Variants in CFAP97 observed in about 807,000 individuals in gnomAD.
The protein encoded by CFAP97 is cilia and flagella associated protein 97.
A neutral mutation model predicts 43.1 loss-of-function variants in CFAP97; 36 were observed. The observed-to-expected ratio is 0.84, with a 90% CI of 0.64 to 1.10. The LOEUF is 1.10. Among genes scored for constraint, CFAP97 ranks in the 50% least tolerant of loss-of-function variants. The pLI is 0.00. For missense variants in CFAP97, 657 were observed against 620.3 expected (o/e 1.06, Z -0.63); for synonymous variants, 228 against 225.7 (o/e 1.01, Z -0.09).
chr4:185,167,454 G>C (rs900843795), intron 3 of CFAP97, among the ~76,000 whole-genome samples: 3 of 152,074 alleles, frequency 2.0e-5, no homozygotes, highest in Non-Finnish European at 4.4e-5. Flanking sequence ...GACAGAGGAA[G>C]ACCTTATCTC....
In CFAP97 at chr4:185,176,032, T is replaced by G; in HGVS notation, c.1074A>C (p.Lys358Asn). 1 of 1,599,956 alleles carries G rather than the reference T, an allele frequency of 6.3e-7. No individual in the cohort carries two copies. Among genetic ancestry groups the G allele is most frequent in the Non-Finnish European group, 8.5e-7 (1 of 1,174,962 alleles). ...HLLKAFLQLD[K>N]KGPQKHHFDQ... ...CAAAGTGATGTTTTTGTGGTCCTTTTTTATCTAATTGCAGAAAAGCTACAG... is the reference window on the plus strand; with the variant it reads ...CAAAGTGATGTTTTTGTGGTCCTTTGTTATCTAATTGCAGAAAAGCTACAG... Residue 358 changes from lysine (K) to asparagine (N), a missense_variant, in exon 3 of 5, where the codon AAA (lysine) becomes AAC (asparagine). Lys to Asn is a moderately conservative substitution (Grantham distance 94). Coordinates refer to ENST00000458385, the MANE Select transcript of CFAP97 (RefSeq NM_020827.3).
chr4:185,179,571 A>T (rs1735701622), intron 2 of CFAP97, among the ~76,000 whole-genome samples: 2 of 152,144 alleles, frequency 1.3e-5, no homozygotes, highest in South Asian at 4.1e-4. Context: ...CTGAGACGTG[A>T]GGAAGCCAGG....
chr4:185,166,922 G>A (rs1311978440), intron 3 of CFAP97, among the ~76,000 whole-genome samples: 1 of 152,226 alleles, frequency 6.6e-6, no homozygotes. Flanking sequence ...AGCTCAGGAT[G>A]GCTTTGAATG....
chr4:185,198,468 A>G, intron 1 of CFAP97, among the ~76,000 whole-genome samples: 1 of 150,736 alleles, frequency 6.6e-6, no homozygotes, highest in East Asian at 2.0e-4. Context: ...AAAGAAAGGA[A>G]GAAAAAGAAG....
intron 1 of CFAP97, among the ~76,000 whole-genome samples, chr4:185,197,427 ATTT>A (rs200250759): frequency 6.9e-6 from 1 of 144,442 alleles, no homozygotes; most frequent in Non-Finnish European, 1.5e-5. Context: ...TTGTTTTTGA[ATTT>A]TTTTTTTTTT....
At chr4:185,170,760 G>A (rs371603700) in intron 3 of CFAP97, among the ~76,000 whole-genome samples, 60 of 151,706 alleles carry the variant, frequency 4.0e-4, no homozygotes, top group African/African-American at 1.3e-3. Context: ...CGAGGCTGGT[G>A]GATCACCTGA....
rs1042634873 is a variant in CFAP97, at chr4:185,170,751, G to A, written c.1320+5035C>T. On this transcript the variant is annotated intron_variant, in intron 3 of 4. Coordinates refer to ENST00000458385, the MANE Select transcript of CFAP97 (RefSeq NM_020827.3). ...TGTAATCCTAGTACTTTGAGACGCC[G>A]AGGCTGGTGGATCACCTGAGGTCAG... Among the ~76,000 whole-genome samples the A allele has an allele frequency of 4.0e-5, 6 of 151,490 alleles. No homozygotes were observed. The East Asian group carries it at 5.9e-4, about 15-fold the overall frequency.
intron 3 of CFAP97, among the ~76,000 whole-genome samples, chr4:185,172,576 G>C (rs983161243): frequency 4.6e-5 from 7 of 152,158 alleles, no homozygotes; most frequent in East Asian, 3.8e-4. Context: ...GAGAGCAAAT[G>C]AAAGGATATA....
At chr4:185,174,866 T>G (rs1735453391) in intron 3 of CFAP97, among the ~76,000 whole-genome samples, 1 of 152,206 alleles carries the variant, frequency 6.6e-6, no homozygotes, top group African/African-American at 2.4e-5. Context: ...GCTCAGTAAA[T>G]ATCAGCAATT....
Position 185,190,548 on chromosome 4 carries a change from G to C in CFAP97, c.649C>G (p.Leu217Val), listed in dbSNP as rs770766996. 1.9e-6 allele frequency: 3 copies of C among 1,613,750 alleles called. No homozygotes were observed. Among genetic ancestry groups the C allele is most frequent in the Non-Finnish European group, 2.5e-6 (3 of 1,179,840 alleles). The change falls in exon 2 of 5, where the codon CTG (leucine) becomes GTG (valine). Residue 217 changes from leucine to valine, a missense_variant. Transcript: ENST00000458385. Reference sequence around the variant, plus strand: ...GATTTATACTTGTGTTTTGGTGACAGGAGGGTTATACCAGATACATGTTTC... The same window carrying C: ...GATTTATACTTGTGTTTTGGTGACACGAGGGTTATACCAGATACATGTTTC... Reference protein sequence around the residue: ...SKKHVSGITLLSPKHKYKSGI... With the variant: ...SKKHVSGITLVSPKHKYKSGI...
chr4:185,184,021 T>G (rs906158576), intron 2 of CFAP97, among the ~76,000 whole-genome samples: 1 of 152,196 alleles, frequency 6.6e-6, no homozygotes, highest in African/African-American at 2.4e-5. Context: ...TCTCTATATC[T>G]AATTAAGTTT....
intron 4 of CFAP97, among the ~76,000 whole-genome samples, chr4:185,163,602 T>A (rs1239015389): frequency 6.6e-6 from 1 of 151,908 alleles, no homozygotes; most frequent in Non-Finnish European, 1.5e-5. Context: ...TAAGGCTTGT[T>A]GTGTGATCAG....
At chr4:185,198,601 C>T (rs1321414515) in intron 1 of CFAP97, among the ~76,000 whole-genome samples, 1 of 151,776 alleles carries the variant, frequency 6.6e-6, no homozygotes, top group South Asian at 2.1e-4. Flanking sequence ...ACCAGCCTGA[C>T]CAAAATGGTG....
At chr4:185,176,810 T>C (rs1204192514) in intron 2 of CFAP97, among the ~76,000 whole-genome samples, 1 of 152,120 alleles carries the variant, frequency 6.6e-6, no homozygotes, top group Non-Finnish European at 1.5e-5. Flanking sequence ...AGGGAAACAA[T>C]GGCAAAAAGT....
intron 2 of CFAP97, among the ~76,000 whole-genome samples, chr4:185,189,276 G>A (rs1736130662): frequency 6.6e-6 from 1 of 152,150 alleles, no homozygotes; most frequent in African/African-American, 2.4e-5. Flanking sequence ...GCAACATCAA[G>A]TGTGAACTGC....
chr4:185,199,607 T>C (rs1171867058), intron 1 of CFAP97, among the ~76,000 whole-genome samples: 5 of 151,864 alleles, frequency 3.3e-5, no homozygotes, highest in Admixed American at 1.3e-4. Flanking sequence ...GAGGTGGAGG[T>C]TGCAGTGAGC....
intron 3 of CFAP97, among the ~76,000 whole-genome samples, chr4:185,168,480 A>G (rs1231225010): frequency 6.6e-6 from 1 of 151,614 alleles, no homozygotes; most frequent in Non-Finnish European, 1.5e-5. Context: ...GGTGACACAC[A>G]CCAGTAATCC....
At chr4:185,192,751 T>TG (rs1553973821) in intron 1 of CFAP97, among the ~76,000 whole-genome samples, 17 of 36,918 alleles carry the variant, frequency 4.6e-4, no homozygotes, top group South Asian at 1.0e-3. Context: ...TTTTTTTTTT[T>TG]TTTTTTTGAG....
In CFAP97 at chr4:185,188,504, G is replaced by A. The variant is rs544959681; in HGVS notation, c.1054+1639C>T. ...AATACAGGCGTGTGCCACTACGCTC[G>A]GCTCATTTTTTGTATTATTTGCGGA... On this transcript the variant is annotated intron_variant, in intron 2 of 4. Transcript: ENST00000458385. 3.9e-5 allele frequency among the ~76,000 whole-genome samples: 6 copies of A among 152,090 alleles called. No individual in the cohort carries two copies. In the East Asian group the frequency reaches 5.8e-4, roughly 15 times the overall value.
Sources: allele counts gnomAD v4.1 joint callset (sites outside exome capture counted in the v4.1 genomes callset), GRCh38; gene constraint gnomAD v4.1.1; transcripts MANE v1.5; gene names NCBI Gene and HGNC (gene_info 2026-07-23, HGNC 2026-07-21).